KCTD16: variants seen among roughly 807,000 people sequenced by gnomAD.
The protein encoded by KCTD16 is BTB/POZ domain-containing protein KCTD16.
Under a neutral mutation model 33.2 loss-of-function variants are expected in KCTD16, and 13 were observed. The ratio of observed to expected loss-of-function variants is 0.39; its 90% CI spans 0.25 to 0.62. The LOEUF is 0.62. KCTD16 is among the 20% of genes least tolerant of loss of function. The pLI is 0.50. For missense variants in KCTD16, 441 were observed against 525.1 expected, an observed-to-expected ratio of 0.84 and a Z score of 1.57; for synonymous variants, 197 against 195.3, an observed-to-expected ratio of 1.01 and a Z score of -0.07.
chr5:144,208,320 T>C (rs1753256031), intron 3 of KCTD16, among the ~76,000 whole-genome samples: 1 of 152,230 alleles, frequency 6.6e-6, no homozygotes, highest in African/African-American at 2.4e-5. Context: ...ACAATGATAC[T>C]GAAGCCTTTT....
chr5:144,382,411 A>C (rs1326844453), intron 3 of KCTD16, among the ~76,000 whole-genome samples: 1 of 152,146 alleles, frequency 6.6e-6, no homozygotes, highest in African/African-American at 2.4e-5. Context: ...TTAAAATATA[A>C]GAATAAAAAG....
Position 144,206,468 on chromosome 5 carries a change from TA to T in KCTD16, c.-246del, listed in dbSNP as rs1383902121. 2.3e-6 allele frequency: 1 copy of T among 429,444 alleles called. No homozygotes were observed. The highest frequency in any genetic ancestry group is 4.1e-6 in the Non-Finnish European group (1 of 243,272). 26.6% of individuals were successfully genotyped at this position (429,444 alleles called of 1,614,324 possible). ...AGATTGGATATAGACGAGTTGATTA[TA>T]TTTTATGAAGTAGCAGCTCACTACC... On this transcript the variant is annotated 5_prime_UTR_variant, in exon 3 of 4. Coordinates refer to ENST00000512467, the MANE Select transcript of KCTD16 (RefSeq NM_020768.4).
At chr5:144,175,125 C>T (rs1752474967) in intron 2 of KCTD16, among the ~76,000 whole-genome samples, 1 of 152,172 alleles carries the variant, frequency 6.6e-6, no homozygotes, top group Non-Finnish European at 1.5e-5. Context: ...ATTTATACTT[C>T]AAGAATTTGT....
chr5:144,395,304 G>A (rs1752544884), intron 3 of KCTD16, among the ~76,000 whole-genome samples: 1 of 152,140 alleles, frequency 6.6e-6, no homozygotes. Context: ...ATATGTCCGT[G>A]TCTGATATAC....
chr5:144,332,382 A>G (rs1752382437), intron 3 of KCTD16, among the ~76,000 whole-genome samples: 1 of 152,086 alleles, frequency 6.6e-6, no homozygotes, highest in African/African-American at 2.4e-5. Context: ...AAACACAGGC[A>G]TTCTCTGAAA....
At chr5:144,249,229 C>T (rs1246383173) in intron 3 of KCTD16, among the ~76,000 whole-genome samples, 2 of 152,224 alleles carry the variant, frequency 1.3e-5, no homozygotes, top group African/African-American at 2.4e-5. Context: ...TTCGTGTTCT[C>T]CGTTTCTGTA....
chr5:144,420,669 A>G (rs555486098), intron 3 of KCTD16, among the ~76,000 whole-genome samples: 2 of 152,026 alleles, frequency 1.3e-5, no homozygotes, highest in Non-Finnish European at 2.9e-5. Context: ...CATTTTGGGT[A>G]GGGTCTAATG....
chr5:144,233,815 C>G (rs754580243), intron 3 of KCTD16, among the ~76,000 whole-genome samples: 5 of 152,108 alleles, frequency 3.3e-5, no homozygotes, highest in Non-Finnish European at 7.4e-5. Flanking sequence ...CTGGTTTTAT[C>G]TGGTTGCAAT....
intron 3 of KCTD16, among the ~76,000 whole-genome samples, chr5:144,253,378 G>A (rs557997271): frequency 6.6e-6 from 1 of 152,254 alleles, no homozygotes; most frequent in Non-Finnish European, 1.5e-5. Context: ...GTAGCATAAT[G>A]AACCTCATAG....
intron 3 of KCTD16, among the ~76,000 whole-genome samples, chr5:144,318,321 T>G (rs1307842757): frequency 6.6e-6 from 1 of 152,166 alleles, no homozygotes; most frequent in Non-Finnish European, 1.5e-5. Context: ...TGATCTACCT[T>G]GATGTGCAAG....
At chr5:144,234,191 GC>G (rs1754183432) in intron 3 of KCTD16, among the ~76,000 whole-genome samples, 1 of 152,026 alleles carries the variant, frequency 6.6e-6, no homozygotes. Flanking sequence ...TTTTGATGTT[GC>G]CTTTGGATGT....
intron 2 of KCTD16, among the ~76,000 whole-genome samples, chr5:144,203,668 A>G (rs975879904): frequency 6.6e-6 from 1 of 152,230 alleles, no homozygotes; most frequent in African/African-American, 2.4e-5. Context: ...CTCCAAAGCT[A>G]TCGTCATGAC....
chr5:144,419,453 A>T (rs928432750), intron 3 of KCTD16, among the ~76,000 whole-genome samples: 1 of 152,126 alleles, frequency 6.6e-6, no homozygotes, highest in Admixed American at 6.6e-5. Context: ...AACAAGGTAT[A>T]CTCTTGTCAA....
At chr5:144,450,525 A>G (rs1753917647) in intron 3 of KCTD16, among the ~76,000 whole-genome samples, 1 of 152,096 alleles carries the variant, frequency 6.6e-6, no homozygotes. Flanking sequence ...TTTTCACAAT[A>G]TTCAAGATAT....
intron 3 of KCTD16, among the ~76,000 whole-genome samples, chr5:144,440,686 G>C (rs1753684500): frequency 6.6e-6 from 1 of 151,600 alleles, no homozygotes; most frequent in African/African-American, 2.4e-5. Context: ...AAAAAAATCT[G>C]ACTGTGGTTT....
intron 3 of KCTD16, among the ~76,000 whole-genome samples, chr5:144,469,995 G>C (rs1288573578): frequency 1.3e-5 from 2 of 150,842 alleles, no homozygotes; most frequent in Non-Finnish European, 2.9e-5. Flanking sequence ...ACTTTTCTTG[G>C]AATGAAATGG....
chr5:144,465,842 T>G, intron 3 of KCTD16, among the ~76,000 whole-genome samples: 1 of 139,062 alleles, frequency 7.2e-6, no homozygotes, highest in African/African-American at 2.6e-5. Context: ...CATTTGCCAA[T>G]AAACTATAGA....
At chr5:144,255,219 T>C (rs1443091778) in intron 3 of KCTD16, among the ~76,000 whole-genome samples, 2 of 152,246 alleles carry the variant, frequency 1.3e-5, no homozygotes, top group African/African-American at 4.8e-5. Context: ...TGCATTTTTC[T>C]GTCAGTGGAC....
At chr5:144,258,345 A>C (rs1754908935) in intron 3 of KCTD16, among the ~76,000 whole-genome samples, 1 of 151,972 alleles carries the variant, frequency 6.6e-6, no homozygotes, top group Non-Finnish European at 1.5e-5. Flanking sequence ...ATATAGTATA[A>C]TATAGAGTAC....
Sources: allele counts gnomAD v4.1 joint callset (sites outside exome capture counted in the v4.1 genomes callset), GRCh38; gene constraint gnomAD v4.1.1; transcripts MANE v1.5; gene names NCBI Gene and HGNC (gene_info 2026-07-23, HGNC 2026-07-21).